The following CEP68 variants were observed in gnomAD, a reference collection of about 807,000 sequenced individuals.
The protein encoded by CEP68 is centrosomal protein 68.
Under a neutral mutation model 55.3 loss-of-function variants are expected in CEP68, and 26 were observed. The ratio of observed to expected loss-of-function variants is 0.47; its 90% confidence interval spans 0.34 to 0.65. The LOEUF (loss-of-function observed/expected upper bound fraction) is 0.65. Ranked by LOEUF, CEP68 falls within the 30% of genes least tolerant of loss-of-function variation. CEP68 has a pLI of 0.01. For missense variants in CEP68, 957 were observed against 946.7 expected (o/e 1.01, Z -0.14); for synonymous variants, 402 against 383.2 (o/e 1.05, Z -0.57).
Position 65,084,031 on chromosome 2 carries a change from A to G in CEP68, c.*397A>G, listed in dbSNP as rs1283049618. Reference sequence around the variant, plus strand: ...TCAATATTCTCAGGCATGCAAGAGGACCTAAGAGACTGAAAAAAGTGAATT... The same window carrying G: ...TCAATATTCTCAGGCATGCAAGAGGGCCTAAGAGACTGAAAAAAGTGAATT... On this transcript the variant is annotated 3_prime_UTR_variant, in exon 7 of 7. Transcript: ENST00000377990. The G allele has an allele frequency of 6.6e-6, 1 of 152,200 alleles. No individual in the cohort carries two copies. Among genetic ancestry groups the G allele is most frequent in the East Asian group, 1.9e-4 (1 of 5,202 alleles). The allele number at this position is 152,200 out of a possible 1,614,324, so 9.4% of individuals were successfully genotyped here. A position where few individuals can be genotyped will look rare whatever the true frequency, so the allele number is the denominator to read the frequency against.
At position 65,072,465 on chromosome 2, in the gene CEP68, A is replaced by C; in HGVS notation, c.1369A>C (p.Ser457Arg). Residue 457 changes from serine (S) to arginine (R), a missense_variant, in exon 3 of 7, where the codon AGC becomes CGC. Physicochemically the swap from Ser to Arg is moderately radical, Grantham distance 110. Transcript: ENST00000377990. ...CAGGCCAGAGAGGGAGAAGAGGACC[A>C]GCCAGAGTGCCCGGCGCCCTACCTG... ...SPRPEREKRT[S>R]QSARRPTCTE... The C allele has an allele frequency of 1.9e-6, 3 of 1,614,116 alleles. No individual in the cohort carries two copies. Among genetic ancestry groups the C allele is most frequent in the Non-Finnish European group, 2.5e-6 (3 of 1,180,022 alleles).
chr2:65,063,987 G>T (rs956470260), intron 1 of CEP68, among the ~76,000 whole-genome samples: 1 of 152,108 alleles, frequency 6.6e-6, no homozygotes, highest in Admixed American at 6.5e-5. Flanking sequence ...ATAATAGGGG[G>T]GAAAAGCATG....
intron 1 of CEP68, among the ~76,000 whole-genome samples, chr2:65,068,331 G>C (rs1263793913): frequency 6.6e-6 from 1 of 152,202 alleles, no homozygotes; most frequent in Non-Finnish European, 1.5e-5. Context: ...GAATGGTCCT[G>C]TTTGCAGATT....
At position 65,072,843 on chromosome 2, in the gene CEP68, T is replaced by C. The variant is rs1676562461; in HGVS notation, c.1747T>C (p.Ser583Pro). ...SLGSSQALGVSSGLLKTRPSL... is the reference protein window; with the variant it reads ...SLGSSQALGVPSGLLKTRPSL... The stretch of plus-strand genomic sequence containing the variant: ...GGGGAGCAGCCAGGCCCTCGGGGTC[T>C]CCTCTGGACTGCTGAAAACACGCCC... The change falls in exon 3 of 7, where the codon TCC (serine) becomes CCC (proline). Residue 583 changes from serine (S) to proline (P), a missense_variant. By Grantham distance (74) the Ser-to-Pro change is moderately conservative. Transcript: ENST00000377990. 6.2e-7 allele frequency: 1 copy of C among 1,614,114 alleles called. No homozygotes were observed. The highest frequency in any genetic ancestry group is 1.1e-5 in the South Asian group (1 of 91,074).
intron 1 of CEP68, among the ~76,000 whole-genome samples, chr2:65,067,232 T>A (rs146260504): frequency 1.1e-4 from 17 of 151,830 alleles, no homozygotes; most frequent in Non-Finnish European, 1.5e-5. Context: ...ATAAAAAAAT[T>A]AGCCAGGCAT....
intron 4 of CEP68, among the ~76,000 whole-genome samples, chr2:65,077,567 T>C (rs1248113990): frequency 6.6e-6 from 1 of 152,174 alleles, no homozygotes; most frequent in African/African-American, 2.4e-5. Flanking sequence ...GAGAACCCCA[T>C]GAGGTGAGGG....
intron 5 of CEP68, chr2:65,080,522 T>C: frequency 1.0e-6 from 1 of 985,330 alleles, no homozygotes; most frequent in Non-Finnish European, 1.2e-6. Context: ...ACAGTCTAAA[T>C]AAAAGTTCAA....
At chr2:65,081,499 G>T (rs1677015601) in intron 5 of CEP68, among the ~76,000 whole-genome samples, 4 of 152,328 alleles carry the variant, frequency 2.6e-5, no homozygotes. Context: ...AAACTAGGGA[G>T]AGTATAAGCA....
chr2:65,066,741 AAAAAAT>A (rs1301065940), intron 1 of CEP68, among the ~76,000 whole-genome samples: 49 of 94,756 alleles, frequency 5.2e-4, no homozygotes, highest in African/African-American at 1.8e-3. Flanking sequence ...AAAAAAAAAA[AAAAAAT>A]ATATATATAT....
At chr2:65,076,505 C>G (rs1316891065) in intron 4 of CEP68, among the ~76,000 whole-genome samples, 1 of 152,184 alleles carries the variant, frequency 6.6e-6, no homozygotes, top group Non-Finnish European at 1.5e-5. Flanking sequence ...CTTGCCCGCA[C>G]AGAATTGTGC....
intron 1 of CEP68, among the ~76,000 whole-genome samples, chr2:65,064,767 T>G (rs1573021631): frequency 2.0e-5 from 3 of 148,938 alleles, no homozygotes. Context: ...GAGCAAGAAG[T>G]AGCAATTGGG....
At chr2:65,062,006 C>T (rs564377562) in intron 1 of CEP68, among the ~76,000 whole-genome samples, 1 of 152,356 alleles carries the variant, frequency 6.6e-6, no homozygotes, top group African/African-American at 2.4e-5. Context: ...GTTCTCTGGG[C>T]AGGTTCTGCC....
chr2:65,069,335 G>C, intron 1 of CEP68, 64 bp from the exon 2 acceptor site: 1 of 884,966 alleles, frequency 1.1e-6, no homozygotes, highest in Non-Finnish European at 1.7e-6. Context: ...TTGTTAAAGA[G>C]CAAGACTTCC....
At chr2:65,080,514 A>T (rs1005185092) in intron 5 of CEP68, 2 of 985,264 alleles carry the variant, frequency 2.0e-6, no homozygotes, top group African/African-American at 3.5e-5. Flanking sequence ...ACATTCTGAC[A>T]GTCTAAATAA....
Position 65,058,087 on chromosome 2 carries a change from G to GTAGCTGT in CEP68, c.-47+1571_-47+1577dup, listed in dbSNP as rs148060180. ...GTTCCTGGCACAAAGAAAATGATCA[G>GTAGCTGT]TAGCTGTTAGCTGTTAGCAGTCGTT... On this transcript the variant is annotated intron_variant, in intron 1 of 6. Coordinates refer to ENST00000377990, the MANE Select transcript of CEP68 (RefSeq NM_015147.3). Among the ~76,000 whole-genome samples, 10 of 152,314 alleles carry GTAGCTGT rather than the reference G, an allele frequency of 6.6e-5. No individual in the cohort carries two copies. In the East Asian group the frequency reaches 1.7e-3, roughly 27 times the overall value.
rs575690457 is a variant in CEP68 at position 65,058,530 on chromosome 2, G to A, written c.-47+2002G>A. Among the ~76,000 whole-genome samples the A allele has an allele frequency of 6.8e-5, 8 of 117,956 alleles. No individual in the cohort carries two copies. In the Admixed American group the frequency reaches 7.0e-4, roughly 10 times the overall value. The allele number at this position is 117,956 out of a possible 152,430, so 77.4% of individuals were successfully genotyped here. On this transcript the variant is annotated intron_variant, in intron 1 of 6. Transcript: ENST00000377990. Reference sequence around the variant, plus strand: ...TTTTTTTTTTTTTTTTTTTGAGAGGGAGTTTCACTCTTCTTGGCCAGGCTG... The same window carrying A: ...TTTTTTTTTTTTTTTTTTTGAGAGGAAGTTTCACTCTTCTTGGCCAGGCTG...
chr2:65,077,479 C>T (rs983446744), intron 4 of CEP68, among the ~76,000 whole-genome samples: 5 of 152,078 alleles, frequency 3.3e-5, no homozygotes, highest in Admixed American at 1.3e-4. Flanking sequence ...TGGCTCCCTG[C>T]GGTCAGTTTA....
chr2:65,083,336 C>T (rs190675994), intron 6 of CEP68, among the ~76,000 whole-genome samples: 58 of 152,202 alleles, frequency 3.8e-4, no homozygotes, highest in Non-Finnish European at 7.5e-4. Context: ...AACAGAATGA[C>T]AGAAAAGGAG....
At chr2:65,080,523 A>C in intron 5 of CEP68, 2 of 985,432 alleles carry the variant, frequency 2.0e-6, no homozygotes, top group Non-Finnish European at 2.4e-6. Context: ...CAGTCTAAAT[A>C]AAAGTTCAAA....
Sources: gnomAD v4.1 joint callset for allele counts (sites outside exome capture counted in the v4.1 genomes callset) on GRCh38, gnomAD v4.1.1 for gene constraint, MANE v1.5 for transcripts, NCBI Gene and HGNC (gene_info 2026-07-23, HGNC 2026-07-21) for gene names.